ZNG1F: variants seen among roughly 807,000 people sequenced by gnomAD.
The protein encoded by ZNG1F is zinc-regulated GTPase metalloprotein activator 1F.
the ZNG1F span, among the ~76,000 whole-genome samples, chr9:41,138,893 T>TTA: frequency 8.7e-4 from 107 of 122,614 alleles, 9 homozygotes; most frequent in Non-Finnish European, 1.4e-3. Context: ...TCTTTTTTTT[T>TTA]TATATATATA....
At chr9:41,184,654 A>AT in the ZNG1F span, among the ~76,000 whole-genome samples, 1 of 136,660 alleles carries the variant, frequency 7.3e-6, no homozygotes, top group Middle Eastern at 3.9e-3. Context: ...ACACTTACAT[A>AT]TTTTTTATAT....
chr9:41,204,804 C>A, the ZNG1F span, among the ~76,000 whole-genome samples: 1 of 35,842 alleles, frequency 2.8e-5, no homozygotes, highest in Non-Finnish European at 9.1e-5. Context: ...AAACAATATC[C>A]ACAGATAAGC....
the ZNG1F span, chr9:41,145,491 A>T: frequency 3.6e-6 from 2 of 552,750 alleles, 1 homozygote; most frequent in Non-Finnish European, 6.2e-6. Context: ...TCCAATAGAG[A>T]AAAGCTGGCA....
chr9:41,166,431 T>C, the ZNG1F span, among the ~76,000 whole-genome samples: 2 of 38,200 alleles, frequency 5.2e-5, no homozygotes, highest in South Asian at 1.2e-3. Context: ...ATAATAATAA[T>C]AATTATTATT....
the ZNG1F span, among the ~76,000 whole-genome samples, chr9:41,203,344 C>CA: frequency 6.6e-6 from 1 of 152,256 alleles, no homozygotes; most frequent in Admixed American, 6.6e-5. Context: ...TATTAAGGCA[C>CA]AACTTAGCCA....
chr9:41,155,906 C>T, the ZNG1F span, among the ~76,000 whole-genome samples: 46 of 137,030 alleles, frequency 3.4e-4, 1 homozygote, highest in Non-Finnish European at 4.4e-4. Context: ...GTGGGTGTAG[C>T]GCACCAGCAT....
the ZNG1F span, among the ~76,000 whole-genome samples, chr9:41,187,079 G>T: frequency 3.4e-5 from 5 of 147,290 alleles, 1 homozygote; most frequent in Admixed American, 7.0e-5. Context: ...AAGGGTGAAT[G>T]TAAGAAATCT....
chr9:41,187,565 A>G, the ZNG1F span, among the ~76,000 whole-genome samples: 1 of 149,458 alleles, frequency 6.7e-6, no homozygotes, highest in South Asian at 2.2e-4. Context: ...GAAAGGTGTG[A>G]CGCAGTCAGA....
the ZNG1F span, among the ~76,000 whole-genome samples, chr9:41,152,057 A>C: frequency 2.1e-5 from 3 of 140,094 alleles, no homozygotes; most frequent in Admixed American, 7.4e-5. Context: ...ACAGACTGGC[A>C]AATTGGATAA....
the ZNG1F span, among the ~76,000 whole-genome samples, chr9:41,139,820 A>C: frequency 6.6e-6 from 1 of 151,482 alleles, no homozygotes; most frequent in Non-Finnish European, 1.5e-5. Context: ...TACAACATGG[A>C]TGAATCTTGA....
At chr9:41,151,935 T>A in the ZNG1F span, among the ~76,000 whole-genome samples, 2 of 136,296 alleles carry the variant, frequency 1.5e-5, no homozygotes, top group East Asian at 2.2e-4. Flanking sequence ...AGGAAGAAAC[T>A]GCATCAACTA....
the ZNG1F span, among the ~76,000 whole-genome samples, chr9:41,139,691 C>T: frequency 2.6e-4 from 40 of 151,934 alleles, no homozygotes; most frequent in South Asian, 3.1e-3. Context: ...TATTTTGTCA[C>T]AGCAGCCAAG....
the ZNG1F span, chr9:41,132,156 A>T: frequency 6.4e-7 from 1 of 1,553,216 alleles, no homozygotes; most frequent in African/African-American, 1.4e-5. Flanking sequence ...TAATCTGTTT[A>T]AGTGGCACAT....
At chr9:41,171,848 G>A in the ZNG1F span, 49 of 226,926 alleles carry the variant, frequency 2.2e-4, no homozygotes, top group Non-Finnish European at 3.4e-4. Context: ...AGAACTTACT[G>A]CTTTGGGCCC....
chr9:41,155,110 C>G, the ZNG1F span, among the ~76,000 whole-genome samples: 4 of 150,840 alleles, frequency 2.7e-5, no homozygotes, highest in Non-Finnish European at 5.9e-5. Context: ...ACTCATCTGA[C>G]AAAGGGCTAA....
chr9:41,159,223 C>G, the ZNG1F span, among the ~76,000 whole-genome samples: 455 of 147,692 alleles, frequency 3.1e-3, no homozygotes, highest in South Asian at 5.9e-3. Flanking sequence ...ACCAGCCAAT[C>G]CAAGTATCCA....
chr9:41,183,426 A>C, the ZNG1F span: 1 of 975,634 alleles, frequency 1.0e-6, no homozygotes, highest in Non-Finnish European at 1.4e-6. Flanking sequence ...CTTCCTAATA[A>C]GTTTATTTTC....
the ZNG1F span, chr9:41,183,772 A>G: frequency 3.8e-6 from 6 of 1,569,294 alleles, no homozygotes; most frequent in South Asian, 1.1e-5. Flanking sequence ...GCAGAAACTT[A>G]TATTTTATAA....
the ZNG1F span, among the ~76,000 whole-genome samples, chr9:41,185,051 T>C: frequency 6.5e-5 from 9 of 138,836 alleles, no homozygotes; most frequent in African/African-American, 2.1e-4. Flanking sequence ...GTCTAATAGA[T>C]ATTGTTTTTT....
Sources: gnomAD v4.1 joint callset for allele counts (sites outside exome capture counted in the v4.1 genomes callset) on GRCh38, gnomAD v4.1.1 for gene constraint, MANE v1.5 for transcripts, NCBI Gene and HGNC (gene_info 2026-07-23, HGNC 2026-07-21) for gene names.